ZNF385D: variants seen among roughly 807,000 people sequenced by gnomAD.
ZNF385D encodes zinc finger protein 659.
Under a neutral mutation model 35.8 loss-of-function variants are expected in ZNF385D, and 15 were observed. The ratio of observed to expected loss-of-function variants is 0.42; its 90% CI spans 0.28 to 0.64. ZNF385D has a LOEUF of 0.64. Among genes scored for constraint, ZNF385D ranks in the 30% least tolerant of loss-of-function variants. The pLI, the probability that ZNF385D is intolerant of heterozygous loss-of-function variation, is 0.23. For missense variants in ZNF385D, 474 were observed against 494.6 expected, an observed-to-expected ratio of 0.96 and a Z score of 0.39; for synonymous variants, 212 against 186.8, an observed-to-expected ratio of 1.13 and a Z score of -1.10.
chr3:21,767,240 T>C (rs544676751), intron 3 of ZNF385D, among the ~76,000 whole-genome samples: 6 of 152,110 alleles, frequency 3.9e-5, no homozygotes, highest in Non-Finnish European at 7.4e-5. Flanking sequence ...AAGCTATACA[T>C]ACGTCTTAGG....
At chr3:21,886,577 T>A (rs1698558907) in intron 3 of ZNF385D, among the ~76,000 whole-genome samples, 1 of 152,020 alleles carries the variant, frequency 6.6e-6, no homozygotes, top group Admixed American at 6.6e-5. Context: ...AAAACCACAA[T>A]TTTTATGAGT....
chr3:21,855,932 C>T (rs1203931410), intron 3 of ZNF385D, among the ~76,000 whole-genome samples: 1 of 151,810 alleles, frequency 6.6e-6, no homozygotes, highest in East Asian at 1.9e-4. Context: ...AACATGCTGC[C>T]ACCAAACACA....
intron 3 of ZNF385D, among the ~76,000 whole-genome samples, chr3:21,546,936 A>G (rs1403343142): frequency 6.6e-6 from 1 of 151,922 alleles, no homozygotes; most frequent in Non-Finnish European, 1.5e-5. Context: ...GGGAAAGTGG[A>G]CACTCTTCCC....
At position 21,511,005 on chromosome 3, in the gene ZNF385D, A is replaced by G; in HGVS notation, c.295T>C (p.Tyr99His). The G allele has an allele frequency of 6.2e-7, 1 of 1,613,972 alleles. No homozygotes were observed. The highest frequency in any genetic ancestry group is 1.7e-5 in the Admixed American group (1 of 59,992). Residue 99 changes from tyrosine to histidine, a missense_variant, in exon 4 of 8, where the codon TAC becomes CAC. By Grantham distance (83) the Tyr-to-His change is moderately conservative (BLOSUM62 2). Coordinates refer to ENST00000281523, the MANE Select transcript of ZNF385D (RefSeq NM_024697.3). ...TTCTTGGCATGTTTCGTGCCTTTGT[A>G]GTGGGCCGCAGCCTGGCTCTACAAA... ...FNSDSQAAAH[Y>H]KGTKHAKKLK...
At chr3:21,681,274 G>A (rs1328838244) in intron 1 of ZNF385D, among the ~76,000 whole-genome samples, 2 of 95,696 alleles carry the variant, frequency 2.1e-5, no homozygotes, top group Non-Finnish European at 1.9e-5. Context: ...GATTCAGAAA[G>A]CCTATGTGAA....
chr3:21,964,433 G>GAA (rs10558356), intron 3 of ZNF385D, among the ~76,000 whole-genome samples: 1 of 94,470 alleles, frequency 1.1e-5, no homozygotes, highest in Non-Finnish European at 1.9e-5. Context: ...AAAAAAAAAA[G>GAA]AAAAAAAAAA....
chr3:22,163,104 A>G (rs1472896978), intron 3 of ZNF385D, among the ~76,000 whole-genome samples: 2 of 152,144 alleles, frequency 1.3e-5, no homozygotes, highest in Non-Finnish European at 2.9e-5. Flanking sequence ...CTCAGCATTG[A>G]CTAGCCATTG....
chr3:22,337,189 A>G (rs1195478242), intron 2 of ZNF385D, among the ~76,000 whole-genome samples: 2 of 151,894 alleles, frequency 1.3e-5, no homozygotes, highest in African/African-American at 2.4e-5. Context: ...TTAATGTGCT[A>G]TGCTCATTAT....
intron 3 of ZNF385D, among the ~76,000 whole-genome samples, chr3:21,517,640 C>G (rs1707661551): frequency 6.6e-6 from 1 of 152,138 alleles, no homozygotes; most frequent in Non-Finnish European, 1.5e-5. Flanking sequence ...GTTAATACAA[C>G]TAGGCTGATT....
intron 2 of ZNF385D, among the ~76,000 whole-genome samples, chr3:21,602,470 T>C (rs1418117487): frequency 6.6e-6 from 1 of 150,466 alleles, no homozygotes; most frequent in Non-Finnish European, 1.5e-5. Flanking sequence ...GCAGGGTTAG[T>C]AGCAAAACCA....
At chr3:21,871,722 C>T (rs1310708211) in intron 3 of ZNF385D, among the ~76,000 whole-genome samples, 1 of 152,046 alleles carries the variant, frequency 6.6e-6, no homozygotes, top group Admixed American at 6.6e-5. Context: ...AAAATTACTC[C>T]AGGCCGGGCG....
At chr3:21,870,738 T>C (rs1271936144) in intron 3 of ZNF385D, among the ~76,000 whole-genome samples, 1 of 152,140 alleles carries the variant, frequency 6.6e-6, no homozygotes, top group Non-Finnish European at 1.5e-5. Flanking sequence ...TGTATATGTA[T>C]GTACACCCCA....
chr3:22,339,720 C>A (rs987713269), intron 2 of ZNF385D, among the ~76,000 whole-genome samples: 3 of 152,190 alleles, frequency 2.0e-5, no homozygotes, highest in Non-Finnish European at 4.4e-5. Context: ...TGTGCTCACT[C>A]CTTAGAAATC....
intron 3 of ZNF385D, among the ~76,000 whole-genome samples, chr3:21,759,708 C>A (rs1415533735): frequency 6.6e-6 from 1 of 151,932 alleles, no homozygotes; most frequent in African/African-American, 2.4e-5. Flanking sequence ...CCTCCCAGAC[C>A]CAGAGACCCA....
intron 1 of ZNF385D, among the ~76,000 whole-genome samples, chr3:21,678,261 T>C (rs1042222152): frequency 5.3e-5 from 8 of 152,102 alleles, no homozygotes; most frequent in Non-Finnish European, 1.0e-4. Flanking sequence ...TGTCAAAGCT[T>C]GCCCAGGTTA....
At chr3:21,768,739 GTTGTACTTCCCTCCA>G (rs1339541626) in intron 3 of ZNF385D, among the ~76,000 whole-genome samples, 2 of 151,948 alleles carry the variant, frequency 1.3e-5, no homozygotes, top group Non-Finnish European at 2.9e-5. Flanking sequence ...AGTTACTGCT[GTTGTACTTCCCTCCA>G]TTGTTACGAA....
chr3:21,570,046 T>G (rs1039514246), intron 2 of ZNF385D, among the ~76,000 whole-genome samples: 1 of 151,362 alleles, frequency 6.6e-6, no homozygotes, highest in Admixed American at 6.6e-5. Flanking sequence ...ACCCTAAAAC[T>G]TAAAGTATAA....
upstream of ZNF385D, among the ~76,000 whole-genome samples, chr3:21,756,122 A>T (rs1214067759): frequency 3.9e-5 from 6 of 152,202 alleles, no homozygotes; most frequent in African/African-American, 1.4e-4. Context: ...AGAATTGACT[A>T]AAGCGAGCAA....
At chr3:22,204,747 T>C (rs1454578427) in intron 2 of ZNF385D, among the ~76,000 whole-genome samples, 1 of 150,682 alleles carries the variant, frequency 6.6e-6, no homozygotes, top group Non-Finnish European at 1.5e-5. Flanking sequence ...ATATCATTCT[T>C]ACCAGAATTG....
Sources: allele counts gnomAD v4.1 joint callset (sites outside exome capture counted in the v4.1 genomes callset), GRCh38; gene constraint gnomAD v4.1.1; transcripts MANE v1.5; gene names NCBI Gene and HGNC (gene_info 2026-07-23, HGNC 2026-07-21).